GAN: variants seen among roughly 807,000 people sequenced by gnomAD.
GAN encodes the protein gigaxonin.
Under a neutral mutation model 71.3 loss-of-function variants are expected in GAN, and 48 were observed. That is an observed-to-expected ratio of 0.67 (90% CI 0.53 to 0.86). The LOEUF (loss-of-function observed/expected upper bound fraction) is 0.86. Ranked by LOEUF, GAN falls within the 40% of genes least tolerant of loss-of-function variation. The pLI is 0.00. For synonymous variants in GAN, 386 were observed against 276.8 expected (o/e 1.39, Z -3.92); for missense variants, 928 against 770.1 (o/e 1.21, Z -2.43).
rs1356391174 is a variant in GAN at position 81,381,157 on chromosome 16, A to G, written c.*3561A>G. On this transcript the variant is annotated 3_prime_UTR_variant, in exon 11 of 11. Transcript: ENST00000648994. Reference sequence around the variant, plus strand: ...GAGGACTGGCTTTGCTATGGCACCTAAGTTACTCATGGGTAGTTAAGTTTC... The same window carrying G: ...GAGGACTGGCTTTGCTATGGCACCTGAGTTACTCATGGGTAGTTAAGTTTC... 5 of 152,202 alleles carry G rather than the reference A, an allele frequency of 3.3e-5. No homozygotes were observed. The highest frequency in any genetic ancestry group is 5.9e-5 in the Non-Finnish European group (4 of 68,040). 9.4% of individuals were successfully genotyped at this position (152,202 alleles called of 1,614,324 possible). A position where few individuals can be genotyped will look rare whatever the true frequency, so the allele number is the denominator to read the frequency against.
intron 1 of GAN, among the ~76,000 whole-genome samples, chr16:81,330,802 C>G (rs1909550440): frequency 1.3e-5 from 2 of 152,184 alleles, no homozygotes; most frequent in Non-Finnish European, 2.9e-5. Flanking sequence ...CCACCTTAAC[C>G]AAGTGACCAA....
intron 1 of GAN, among the ~76,000 whole-genome samples, chr16:81,336,554 A>G (rs748309934): frequency 2.0e-5 from 3 of 151,834 alleles, no homozygotes; most frequent in Non-Finnish European, 2.9e-5. Context: ...GCCTCGACCT[A>G]CTGGGCTCAA....
At chr16:81,369,429 A>C (rs181345476) in intron 9 of GAN, among the ~76,000 whole-genome samples, 2 of 152,388 alleles carry the variant, frequency 1.3e-5, no homozygotes. Flanking sequence ...TAGAAAAAGT[A>C]GAAAAGTAAA....
intron 1 of GAN, among the ~76,000 whole-genome samples, chr16:81,331,457 T>C (rs1909574152): frequency 6.6e-6 from 1 of 152,190 alleles, no homozygotes; most frequent in Non-Finnish European, 1.5e-5. Context: ...ATTTCTGAGT[T>C]TGGATAATTG....
chr16:81,366,492 A>G (rs1381050512), intron 9 of GAN, among the ~76,000 whole-genome samples: 1 of 152,176 alleles, frequency 6.6e-6, no homozygotes, highest in Non-Finnish European at 1.5e-5. Flanking sequence ...GCTGTGCTAA[A>G]CGTAATTTTA....
chr16:81,335,775 A>G (rs1256894074), intron 1 of GAN, among the ~76,000 whole-genome samples: 1 of 151,446 alleles, frequency 6.6e-6, no homozygotes, highest in East Asian at 1.9e-4. Context: ...AATCCATTCA[A>G]ATGATGAGTC....
At chr16:81,375,947 A>T (rs950001194) in intron 9 of GAN, among the ~76,000 whole-genome samples, 8 of 149,414 alleles carry the variant, frequency 5.4e-5, no homozygotes, top group African/African-American at 1.2e-4. Flanking sequence ...TCCAGCCTGG[A>T]TGAGTGACAG....
chr16:81,353,456 A>C (rs1910373134), intron 2 of GAN, among the ~76,000 whole-genome samples: 1 of 152,240 alleles, frequency 6.6e-6, no homozygotes, highest in South Asian at 2.1e-4. Context: ...TATAAATGGA[A>C]CATTTTCCCC....
At chr16:81,366,596 C>A (rs1256384328) in intron 9 of GAN, among the ~76,000 whole-genome samples, 1 of 152,184 alleles carries the variant, frequency 6.6e-6, no homozygotes, top group Non-Finnish European at 1.5e-5. Context: ...TGAGCAGTTA[C>A]AAAGATGCTG....
At chr16:81,331,243 G>A (rs1390898054) in intron 1 of GAN, among the ~76,000 whole-genome samples, 2 of 152,126 alleles carry the variant, frequency 1.3e-5, no homozygotes, top group Non-Finnish European at 2.9e-5. Flanking sequence ...AACGAGATGC[G>A]AATTAATTGA....
At chr16:81,362,447 A>G in intron 5 of GAN, 52 bp from the exon 6 acceptor site, 1 of 876,922 alleles carries the variant, frequency 1.1e-6, no homozygotes, top group Non-Finnish European at 2.0e-6. Context: ...TGTGGCGTTT[A>G]TGGGTGTTGA....
At chr16:81,343,523 A>G (rs1336411245) in intron 1 of GAN, among the ~76,000 whole-genome samples, 1 of 152,210 alleles carries the variant, frequency 6.6e-6, no homozygotes, top group Non-Finnish European at 1.5e-5. Context: ...AAACCACATG[A>G]TTATCTCAAC....
rs1179351190 is a variant in GAN, at chr16:81,358,609, A to C, written c.973+678A>C. 5.4e-5 allele frequency among the ~76,000 whole-genome samples: 8 copies of C among 148,734 alleles called. No individual in the cohort carries two copies. The South Asian group carries it at 1.7e-3, about 32-fold the overall frequency. On this transcript the variant is annotated intron_variant, in intron 5 of 10. Coordinates refer to ENST00000648994, the MANE Select transcript of GAN (RefSeq NM_022041.4). ...GGGTGACAGAGTGAGACCCTGTCTC[A>C]AAAAAAAAAGAAAAAAAAAGAGAAG...
In GAN at chr16:81,390,216, A is replaced by G. The variant is rs571757719; in HGVS notation, c.*12620A>G. On this transcript the variant is annotated 3_prime_UTR_variant, in exon 11 of 11. Coordinates refer to ENST00000648994, the MANE Select transcript of GAN (RefSeq NM_022041.4). ...AGAAGGCTGCAACTTGTAAAATTGTACTCCCCAAGTTCAGTAGGATAGTAG... is the reference window on the plus strand; with the variant it reads ...AGAAGGCTGCAACTTGTAAAATTGTGCTCCCCAAGTTCAGTAGGATAGTAG... 1 of 152,222 alleles carries G rather than the reference A, an allele frequency of 6.6e-6. No individual in the cohort carries two copies. The highest frequency in any genetic ancestry group is 1.5e-5 in the Non-Finnish European group (1 of 68,004). 9.4% of individuals were successfully genotyped at this position (152,222 alleles called of 1,614,324 possible).
intron 3 of GAN, among the ~76,000 whole-genome samples, chr16:81,356,023 A>C (rs920023550): frequency 2.6e-5 from 4 of 152,358 alleles, no homozygotes; most frequent in African/African-American, 9.6e-5. Flanking sequence ...ACAGTGGGAC[A>C]TGCTGCTCCT....
rs1443548394 is a variant in GAN, at chr16:81,384,697, G to A, written c.*7101G>A. 6.6e-6 allele frequency: 1 copy of A among 152,216 alleles called. No homozygotes were observed. Among genetic ancestry groups the A allele is most frequent in the Non-Finnish European group, 1.5e-5 (1 of 68,040 alleles). The allele number at this position is 152,216 out of a possible 1,614,324, so 9.4% of individuals were successfully genotyped here. ...CCTCAGTGCAGAGTTGAGGTTGGCA[G>A]AACTATATAGAGTTGGATGATACTG... On this transcript the variant is annotated 3_prime_UTR_variant, in exon 11 of 11. Transcript: ENST00000648994.
At chr16:81,328,195 A>G (rs17773867) in intron 1 of GAN, among the ~76,000 whole-genome samples, 20,148 of 152,292 alleles carry the variant, frequency 0.13, 1,487 homozygotes, top group Admixed American at 0.17. Flanking sequence ...GGGAAATTAC[A>G]TTGGAGCTTC....
intron 1 of GAN, among the ~76,000 whole-genome samples, chr16:81,329,606 G>C (rs557512613): frequency 3.9e-4 from 60 of 152,236 alleles, no homozygotes; most frequent in Admixed American, 1.0e-3. Flanking sequence ...GCCAAATCAA[G>C]TGAAAACTTA....
intron 1 of GAN, among the ~76,000 whole-genome samples, chr16:81,338,990 G>C (rs1345928992): frequency 6.6e-6 from 1 of 152,182 alleles, no homozygotes; most frequent in African/African-American, 2.4e-5. Context: ...CAAGAGTTTA[G>C]AAACTCTTTT....
Sources: allele counts gnomAD v4.1 joint callset (sites outside exome capture counted in the v4.1 genomes callset), GRCh38; gene constraint gnomAD v4.1.1; transcripts MANE v1.5; gene names NCBI Gene and HGNC (gene_info 2026-07-23, HGNC 2026-07-21).